The following TUBGCP4 variants were observed in gnomAD, a reference collection of about 807,000 sequenced individuals.
TUBGCP4 encodes the protein gamma-tubulin complex component 4.
In TUBGCP4, 54 loss-of-function variants were observed where a neutral mutation model predicts 91.6. That is an observed-to-expected ratio of 0.59 (90% CI 0.47 to 0.74). The LOEUF is 0.74. Ranked by LOEUF, TUBGCP4 falls within the 30% of genes least tolerant of loss-of-function variation. TUBGCP4 has a pLI of 0.00. For missense variants in TUBGCP4, 593 were observed against 800.9 expected (o/e 0.74, Z 3.13); for synonymous variants, 297 against 302.8 (o/e 0.98, Z 0.20).
intron 13 of TUBGCP4, among the ~76,000 whole-genome samples, chr15:43,399,375 C>T (rs1038420674): frequency 2.0e-5 from 3 of 152,182 alleles, no homozygotes; most frequent in African/African-American, 7.2e-5. Context: ...TCATAACACA[C>T]TATTTTTTTT....
chr15:43,379,998 C>A, intron 5 of TUBGCP4, 86 bp from the exon 6 acceptor site: 2 of 1,284,518 alleles, frequency 1.6e-6, no homozygotes, highest in Non-Finnish European at 2.3e-6. Context: ...CTAGATTGTG[C>A]CCTCTTGGTT....
Position 43,407,669 on chromosome 15 carries a change from C to T in TUBGCP4, c.*2455C>T. Reference sequence around the variant, plus strand: ...TCTAACCAATACATCCCACTCTGCACAAACCAAAGCCCTATTATGTCAAAC... The same window carrying T: ...TCTAACCAATACATCCCACTCTGCATAAACCAAAGCCCTATTATGTCAAAC... On this transcript the variant is annotated 3_prime_UTR_variant, in exon 18 of 18. Transcript: ENST00000564079. 1 of 1,170,696 alleles carries T rather than the reference C, an allele frequency of 8.5e-7. No individual in the cohort carries two copies. Among genetic ancestry groups the T allele is most frequent in the Non-Finnish European group, 1.2e-6 (1 of 835,314 alleles). The allele number at this position is 1,170,696 out of a possible 1,614,324, so 72.5% of individuals were successfully genotyped here.
At chr15:43,403,479 T>G in intron 15 of TUBGCP4, 1 of 524,986 alleles carries the variant, frequency 1.9e-6, no homozygotes, top group Non-Finnish European at 3.4e-6. Context: ...TAATACTCGC[T>G]TAGCCAGGAA....
At position 43,404,403 on chromosome 15, in the gene TUBGCP4, C is replaced by A; in HGVS notation, c.1849-10C>A. Reference sequence around the variant, plus strand: ...GAAGTGGAATGACAGCTGAGTCCTTCTCTCTGCAGGGCTTTAGCCGCCAGT... The same window carrying A: ...GAAGTGGAATGACAGCTGAGTCCTTATCTCTGCAGGGCTTTAGCCGCCAGT... On this transcript the variant is annotated splice_polypyrimidine_tract_variant and intron_variant, in intron 16 of 17. Transcript: ENST00000564079. The A allele has an allele frequency of 6.2e-7, 1 of 1,614,020 alleles. No homozygotes were observed. The highest frequency in any genetic ancestry group is 1.1e-5 in the South Asian group (1 of 91,052).
rs756445122 is a variant in TUBGCP4, at chr15:43,404,433, A to T, written c.1869A>T (p.Ser623=). 6.2e-7 allele frequency: 1 copy of T among 1,614,022 alleles called. No homozygotes were observed. Among genetic ancestry groups the T allele is most frequent in the Non-Finnish European group, 8.5e-7 (1 of 1,179,990 alleles). The change falls in exon 17 of 18, where the codon TCA becomes TCT. Residue 623 remains serine, a synonymous_variant. Transcript: ENST00000564079. Reference sequence around the variant, plus strand: ...TGCAGGGCTTTAGCCGCCAGTCTTCACTCCTGTTCAAGATTCTCTCCAGTG... The same window carrying T: ...TGCAGGGCTTTAGCCGCCAGTCTTCTCTCCTGTTCAAGATTCTCTCCAGTG... The part of the protein sequence containing the change: ...ILVKGFSRQS[S]LLFKILSSVR...
Position 43,398,180 on chromosome 15 carries a change from G to T in TUBGCP4, c.1418+1G>T, listed in dbSNP as rs1034003148. On this transcript the variant is annotated splice_donor_variant, in intron 13 of 17. Coordinates refer to ENST00000564079, the MANE Select transcript of TUBGCP4 (RefSeq NM_014444.5). LOFTEE classifies it high-confidence loss of function. ...TCTTCACCCCAGCTGTCCTGGAAAA[G>T]TGAGTATTTCTGAGTTTCTCACAGG... The T allele has an allele frequency of 1.2e-6, 2 of 1,609,908 alleles. No homozygotes were observed. The highest frequency in any genetic ancestry group is 3.4e-5 in the Admixed American group (2 of 59,202).
chr15:43,395,124 G>T lies in TUBGCP4; in HGVS notation c.1032G>T (p.Met344Ile). 2 of 1,614,114 alleles carry T rather than the reference G, an allele frequency of 1.2e-6. No individual in the cohort carries two copies. Among genetic ancestry groups the T allele is most frequent in the Non-Finnish European group, 1.7e-6 (2 of 1,180,026 alleles). Reference protein sequence around the residue: ...STVAEHLWKLMVEESDLLGQL... With the variant: ...STVAEHLWKLIVEESDLLGQL... ...TTTCATAGCATCTCTGGAAGTTGAT[G>T]GTAGAAGAATCCGATTTACTGGGTC... The change falls in exon 10 of 18, where the codon ATG becomes ATT. Residue 344 changes from methionine to isoleucine, a missense_variant. By Grantham distance (10) the Met-to-Ile change is conservative (BLOSUM62 1). Coordinates refer to ENST00000564079, the MANE Select transcript of TUBGCP4 (RefSeq NM_014444.5).
intron 6 of TUBGCP4, among the ~76,000 whole-genome samples, chr15:43,382,019 A>G (rs2044292219): frequency 1.3e-5 from 2 of 152,022 alleles, no homozygotes; most frequent in Admixed American, 1.3e-4. Context: ...AGCCTAGGAG[A>G]CCAGCCCAGG....
rs2044569703 is a variant in TUBGCP4, at chr15:43,395,706, T to C, written c.1171+18T>C. 6.3e-7 allele frequency: 1 copy of C among 1,591,370 alleles called. No homozygotes were observed. Among genetic ancestry groups the C allele is most frequent in the Non-Finnish European group, 8.6e-7 (1 of 1,159,460 alleles). ...TGAGCATGGTAATTGTCAGTGGCCC[T>C]GAGAATGATCAACTGATTGACATTG... On this transcript the variant is annotated intron_variant, in intron 11 of 17. Transcript: ENST00000564079.
Position 43,381,707 on chromosome 15 carries a change from G to T in TUBGCP4, c.521+1544G>T, listed in dbSNP as rs577063146. On this transcript the variant is annotated intron_variant, in intron 6 of 17. Transcript: ENST00000564079. ...AGATCTCGCCACTGTAATCCAGCCT[G>T]GATGACAGAATGAGACCCTGTCTCA... 3.9e-5 allele frequency among the ~76,000 whole-genome samples: 6 copies of T among 152,194 alleles called. No homozygotes were observed. The East Asian group carries it at 1.2e-3, about 29-fold the overall frequency.
intron 15 of TUBGCP4, 162 bp downstream of exon 15, chr15:43,402,012 C>T (rs1477021074): frequency 4.6e-6 from 4 of 876,476 alleles, no homozygotes; most frequent in Non-Finnish European, 6.6e-6. Context: ...GTGGCTCATG[C>T]CTGTAATCCC....
chr15:43,398,528 T>G (rs2044618662), intron 13 of TUBGCP4: 1 of 170,572 alleles, frequency 5.9e-6, no homozygotes, highest in Non-Finnish European at 1.2e-5. Flanking sequence ...AGACACGGAG[T>G]TGGAATCAGT....
At chr15:43,402,592 T>C (rs2044709934) in intron 15 of TUBGCP4, 1 of 152,238 alleles carries the variant, frequency 6.6e-6, no homozygotes, top group Non-Finnish European at 1.5e-5. Context: ...TGTGTTTCTG[T>C]AAGTACATAT....
At chr15:43,380,259 C>G in intron 6 of TUBGCP4, 96 bp downstream of exon 6, 1 of 1,156,074 alleles carries the variant, frequency 8.6e-7, no homozygotes, top group Non-Finnish European at 1.3e-6. Context: ...TCAGGTTTCC[C>G]TCTTGGGAAG....
rs374207933 is a variant in TUBGCP4 at position 43,395,088 on chromosome 15, T to C, written c.1015-19T>C. 3 of 1,613,898 alleles carry C rather than the reference T, an allele frequency of 1.9e-6. No individual in the cohort carries two copies. The highest frequency in any genetic ancestry group is 2.7e-5 in the African/African-American group (2 of 74,906). On this transcript the variant is annotated intron_variant, in intron 9 of 17. Transcript: ENST00000564079. The stretch of plus-strand genomic sequence containing the variant: ...CACTGTAATGAAATTTGTCCCTGTT[T>C]TGTTGGTTGTTTTCATAGCATCTCT...
In TUBGCP4 at chr15:43,408,682, A is replaced by G. The variant is rs1440501703; in HGVS notation, c.*3468A>G. 1 of 561,474 alleles carries G rather than the reference A, an allele frequency of 1.8e-6. No individual in the cohort carries two copies. The highest frequency in any genetic ancestry group is 3.2e-6 in the Non-Finnish European group (1 of 313,678). 34.8% of individuals were successfully genotyped at this position (561,474 alleles called of 1,614,324 possible). A position where few individuals can be genotyped will look rare whatever the true frequency, so the allele number is the denominator to read the frequency against. On this transcript the variant is annotated 3_prime_UTR_variant, in exon 18 of 18. Transcript: ENST00000564079. Reference sequence around the variant, plus strand: ...TTTACAGGTTGAGAATATTGAACCTATATACAAATCTTCACACATTTGCAA... The same window carrying G: ...TTTACAGGTTGAGAATATTGAACCTGTATACAAATCTTCACACATTTGCAA...
In TUBGCP4 at chr15:43,408,091, A is replaced by G. The variant is rs376987949; in HGVS notation, c.*2877A>G. On this transcript the variant is annotated 3_prime_UTR_variant, in exon 18 of 18. Coordinates refer to ENST00000564079, the MANE Select transcript of TUBGCP4 (RefSeq NM_014444.5). ...GGAAAGGATTTTCACGGGGTTGCCT[A>G]TGAAGGAGACAGGAAAGGACCTTAG... 1.1e-5 allele frequency: 18 copies of G among 1,613,518 alleles called. No homozygotes were observed. Among genetic ancestry groups the G allele is most frequent in the Non-Finnish European group, 1.4e-5 (17 of 1,179,808 alleles).
chr15:43,377,093 C>T, intron 4 of TUBGCP4, 26 bp downstream of exon 4: 1 of 1,584,514 alleles, frequency 6.3e-7, no homozygotes, highest in Non-Finnish European at 8.7e-7. Flanking sequence ...AACCAAATGC[C>T]TTGCAATCTG....
In TUBGCP4 at chr15:43,407,381, C is replaced by CT. The variant is rs760919974; in HGVS notation, c.*2170dup. 1 of 1,613,906 alleles carries CT rather than the reference C, an allele frequency of 6.2e-7. No individual in the cohort carries two copies. Among genetic ancestry groups the CT allele is most frequent in the East Asian group, 2.2e-5 (1 of 44,884 alleles). ...GAATAAAACCAGTAAGACCAAGTATCTTTAGTGAGAAACATAATCGTGTTT... is the reference window on the plus strand; with the variant it reads ...GAATAAAACCAGTAAGACCAAGTATCTTTTAGTGAGAAACATAATCGTGTTT... On this transcript the variant is annotated 3_prime_UTR_variant, in exon 18 of 18. Transcript: ENST00000564079.
Sources: allele counts gnomAD v4.1 joint callset (sites outside exome capture counted in the v4.1 genomes callset), GRCh38; gene constraint gnomAD v4.1.1; transcripts MANE v1.5; gene names NCBI Gene and HGNC (gene_info 2026-07-23, HGNC 2026-07-21).